ERICH3: variants seen among roughly 807,000 people sequenced by gnomAD.
ERICH3 encodes the protein glutamate-rich protein 3.
ERICH3 carries 126 observed loss-of-function variants against 131.1 expected under a neutral mutation model. The observed-to-expected ratio is 0.96, with a 90% CI of 0.83 to 1.11. The LOEUF (loss-of-function observed/expected upper bound fraction) is 1.11, where lower values mean the gene tolerates loss of function less well. Ranked by LOEUF, ERICH3 falls within the 50% of genes most tolerant of loss-of-function variation. The pLI is 0.00. For synonymous variants in ERICH3, 695 were observed against 644.6 expected (o/e 1.08, Z -1.18); for missense variants, 2,050 against 1,810.7 (o/e 1.13, Z -2.40).
chr1:74,606,967 C>T, intron 9 of ERICH3, 65 bp from the exon 10 acceptor site: 1 of 1,409,056 alleles, frequency 7.1e-7, no homozygotes, highest in African/African-American at 1.4e-5. Context: ...AACCTCAAAG[C>T]TTTTGAAAGC....
chr1:74,656,562 T>C (rs947137999), intron 1 of ERICH3, among the ~76,000 whole-genome samples: 2 of 152,202 alleles, frequency 1.3e-5, no homozygotes, highest in Non-Finnish European at 2.9e-5. Flanking sequence ...TAATTCAATC[T>C]TCTTTACCTA....
intron 9 of ERICH3, among the ~76,000 whole-genome samples, chr1:74,610,154 C>T (rs1057266473): frequency 2.6e-5 from 4 of 151,872 alleles, no homozygotes; most frequent in Non-Finnish European, 5.9e-5. Context: ...AATAGGAAGG[C>T]AGTTCAGGTG....
chr1:74,629,002 T>C (rs1649504461), intron 7 of ERICH3, among the ~76,000 whole-genome samples: 1 of 152,120 alleles, frequency 6.6e-6, no homozygotes, highest in African/African-American at 2.4e-5. Context: ...CATTTATCTA[T>C]TGGACATTTA....
intron 10 of ERICH3, among the ~76,000 whole-genome samples, chr1:74,605,946 C>T (rs1031101032): frequency 7.7e-6 from 1 of 130,516 alleles, no homozygotes; most frequent in African/African-American, 2.9e-5. Context: ...AAAGTGAGCA[C>T]AATAAAATGA....
rs1023001999 is a variant in ERICH3 at position 74,568,176 on chromosome 1, G to A, written c.*2282C>T. On this transcript the variant is annotated 3_prime_UTR_variant, in exon 15 of 15. Transcript: ENST00000326665. ...GAAACAGGAAACAAACCATTTCAGG[G>A]GAACATACAAGTAATTTTATCAACA... The A allele has an allele frequency of 6.6e-6, 1 of 151,984 alleles. No homozygotes were observed. The highest frequency in any genetic ancestry group is 1.5e-5 in the Non-Finnish European group (1 of 67,962). 9.4% of individuals were successfully genotyped at this position (151,984 alleles called of 1,614,324 possible).
At position 74,641,437 on chromosome 1, in the gene ERICH3, A is replaced by G. The variant is rs755091582; in HGVS notation, c.338T>C (p.Val113Ala). Residue 113 changes from valine (V) to alanine (A), a missense_variant, in exon 5 of 15, where the codon GTT (valine) becomes GCT (alanine). Transcript: ENST00000326665. ...AGACAGGATTGGCATGTTATTTTCAACAGACCTTCTTGTGTGCTCTCCCTA... is the reference window on the plus strand; with the variant it reads ...AGACAGGATTGGCATGTTATTTTCAGCAGACCTTCTTGTGTGCTCTCCCTA... ...RFKGEHTRRS[V>A]ENNMPILSPH... 4 of 1,611,198 alleles carry G rather than the reference A, an allele frequency of 2.5e-6. No individual in the cohort carries two copies. The highest frequency in any genetic ancestry group is 2.2e-5 in the South Asian group (2 of 90,478).
chr1:74,573,532 A>G (rs1646998946), intron 13 of ERICH3, 41 bp from the exon 14 acceptor site: 1 of 1,482,044 alleles, frequency 6.7e-7, no homozygotes, highest in Admixed American at 2.6e-5. Flanking sequence ...CTTTAATCCA[A>G]GCGAACAAGG....
chr1:74,589,517 G>T, intron 12 of ERICH3, 114 bp downstream of exon 12: 1 of 1,017,702 alleles, frequency 9.8e-7, no homozygotes, highest in Non-Finnish European at 1.5e-6. Flanking sequence ...AAAAAATCTT[G>T]AATCCCTAAA....
At chr1:74,584,734 A>G (rs1216487525) in intron 12 of ERICH3, among the ~76,000 whole-genome samples, 1 of 152,140 alleles carries the variant, frequency 6.6e-6, no homozygotes, top group Non-Finnish European at 1.5e-5. Flanking sequence ...TCTCTCTCCT[A>G]GAATATAAAA....
chr1:74,587,174 A>C (rs1647370134), intron 12 of ERICH3, among the ~76,000 whole-genome samples: 1 of 151,706 alleles, frequency 6.6e-6, no homozygotes. Flanking sequence ...AAATACAAAA[A>C]ATTAGCCAGG....
intron 1 of ERICH3, among the ~76,000 whole-genome samples, chr1:74,651,634 A>T (rs1241726289): frequency 6.6e-6 from 1 of 152,114 alleles, no homozygotes; most frequent in Non-Finnish European, 1.5e-5. Flanking sequence ...CAGTTCACAG[A>T]TTCTTAAGAT....
chr1:74,572,438 G>A lies in ERICH3; in HGVS notation c.3272C>T (p.Ala1091Val). Residue 1091 changes from alanine (A) to valine (V), a missense_variant, in exon 14 of 15, where the codon GCT (alanine) becomes GTT (valine). Coordinates refer to ENST00000326665, the MANE Select transcript of ERICH3 (RefSeq NM_001002912.5). ...TTTAAGTTTTTGCTCTTCTTTAAAA[G>A]CATCTTCATCCTTGAGTGCATTTGC... ...TRANALKDEDAFKEEQKLKAE... is the reference protein window; with the variant it reads ...TRANALKDEDVFKEEQKLKAE... 1 of 1,613,924 alleles carries A rather than the reference G, an allele frequency of 6.2e-7. No individual in the cohort carries two copies. The highest frequency in any genetic ancestry group is 8.5e-7 in the Non-Finnish European group (1 of 1,180,016).
chr1:74,599,431 G>A (rs948458356), intron 11 of ERICH3, among the ~76,000 whole-genome samples: 4 of 151,816 alleles, frequency 2.6e-5, no homozygotes, highest in African/African-American at 9.7e-5. Context: ...ATTGAAGGGT[G>A]GAGCATGGGA....
intron 6 of ERICH3, chr1:74,634,931 T>C: frequency 2.6e-6 from 1 of 389,332 alleles, no homozygotes; most frequent in Non-Finnish European, 4.5e-6. Context: ...CTAGGCAACT[T>C]TCTCATTGTG....
intron 12 of ERICH3, chr1:74,589,295 TATTAA>T: frequency 2.3e-6 from 1 of 433,476 alleles, no homozygotes; most frequent in Non-Finnish European, 4.0e-6. Context: ...GTATTTCTAG[TATTAA>T]ATAATCTCTA....
At chr1:74,652,126 G>C (rs1037820300) in intron 1 of ERICH3, among the ~76,000 whole-genome samples, 2 of 152,056 alleles carry the variant, frequency 1.3e-5, no homozygotes, top group Non-Finnish European at 2.9e-5. Context: ...AATAATAACC[G>C]GCTCAGTTAT....
chr1:74,633,301 G>T (rs1557693050), intron 6 of ERICH3, among the ~76,000 whole-genome samples: 1 of 151,720 alleles, frequency 6.6e-6, no homozygotes, highest in Non-Finnish European at 1.5e-5. Flanking sequence ...GTTTATAATT[G>T]TTAGAATGGT....
intron 12 of ERICH3, 29 bp from the exon 13 acceptor site, chr1:74,576,965 A>G (rs368456654): frequency 9.6e-6 from 15 of 1,569,508 alleles, no homozygotes; most frequent in Non-Finnish European, 1.2e-5. Flanking sequence ...AAGAAAAAAA[A>G]GGTCAAATGA....
rs1646387465 is a variant in ERICH3, at chr1:74,636,210, G to A, written c.603+70C>T. 3.2e-6 allele frequency: 4 copies of A among 1,241,978 alleles called. No homozygotes were observed. The South Asian group carries it at 5.6e-5, about 17-fold the overall frequency. The allele number at this position is 1,241,978 out of a possible 1,614,324, so 76.9% of individuals were successfully genotyped here. A position where few individuals can be genotyped will look rare whatever the true frequency, so the allele number is the denominator to read the frequency against. ...AGATTTTAATCGAATATAATACCTT[G>A]ACCACTGTAATAACCTATAATAATC... On this transcript the variant is annotated intron_variant, in intron 6 of 14. Transcript: ENST00000326665.
Sources: gnomAD v4.1 joint callset for allele counts (sites outside exome capture counted in the v4.1 genomes callset) on GRCh38, gnomAD v4.1.1 for gene constraint, MANE v1.5 for transcripts, NCBI Gene and HGNC (gene_info 2026-07-23, HGNC 2026-07-21) for gene names.